Variants in PPP2R3B observed in about 807,000 individuals in gnomAD.
PPP2R3B encodes protein phosphatase 2 regulatory subunit B''beta, also known as serine/threonine-protein phosphatase 2A regulatory subunit B'' subunit beta.
A neutral mutation model predicts 72.9 loss-of-function variants in PPP2R3B; 68 were observed. That is an observed-to-expected ratio of 0.93 (90% CI 0.77 to 1.14). PPP2R3B has a LOEUF of 1.14. Ranked by LOEUF, PPP2R3B falls within the 50% of genes most tolerant of loss-of-function variation. The probability of loss-of-function intolerance (pLI) is 0.00; values close to 1 mark genes in which losing one functional copy is unlikely to be tolerated. For missense variants in PPP2R3B, 1,018 were observed against 842.0 expected, an observed-to-expected ratio of 1.21 and a Z score of -2.59; for synonymous variants, 466 against 375.8, an observed-to-expected ratio of 1.24 and a Z score of -2.78.
chrX:353,918 C>A (rs1452356485), intron 2 of PPP2R3B, among the ~76,000 whole-genome samples: 1 of 144,126 alleles, frequency 6.9e-6, no homozygotes, highest in South Asian at 2.2e-4. Context: ...GACTGGGGCT[C>A]GCCCAGGGAC....
chrX:346,387 C>T (rs1163944151), intron 5 of PPP2R3B, 127 bp from the exon 6 acceptor site: 2 of 938,538 alleles, frequency 2.1e-6, no homozygotes, highest in Non-Finnish European at 3.2e-6. Flanking sequence ...AGGGCACAGG[C>T]GGGGGCAGAG....
At chrX:367,465 G>A (rs1362977580) in intron 1 of PPP2R3B, among the ~76,000 whole-genome samples, 4 of 151,158 alleles carry the variant, frequency 2.6e-5, no homozygotes, top group African/African-American at 4.9e-5. Context: ...GTCTCGCTAT[G>A]TTGTGCTGGC....
Position 338,619 on chromosome X carries a change from T to G in PPP2R3B, c.1562A>C (p.Glu521Ala). Residue 521 changes from glutamate to alanine, a missense_variant, in exon 12 of 13, where the codon GAG becomes GCG. Glu to Ala is a moderately radical substitution (Grantham distance 107, BLOSUM62 -1). Coordinates refer to ENST00000390665, the MANE Select transcript of PPP2R3B (RefSeq NM_013239.5). ...DILVAEETAG[E>A]PWEDGFEAEL... ...CCCCACTCACCCGTCCTCCCAGGGC[T>G]CTCCCGCAGTCTCCTCGGCCACCAG... is the stretch of plus-strand genomic sequence containing the variant. The G allele has an allele frequency of 1.9e-6, 3 of 1,607,718 alleles. No individual in the cohort carries two copies. Among genetic ancestry groups the G allele is most frequent in the Non-Finnish European group, 1.7e-6 (2 of 1,179,022 alleles).
At chrX:364,107 A>G (rs960830469) in intron 1 of PPP2R3B, among the ~76,000 whole-genome samples, 47 of 152,224 alleles carry the variant, frequency 3.1e-4, no homozygotes, top group African/African-American at 1.0e-3. Flanking sequence ...GGCTCACCCG[A>G]AATCTCTCAC....
chrX:376,052 A>G (rs1467130067), intron 1 of PPP2R3B, among the ~76,000 whole-genome samples: 1 of 152,180 alleles, frequency 6.6e-6, no homozygotes, highest in African/African-American at 2.4e-5. Flanking sequence ...TTAGCTGGGC[A>G]TGGTGGCGGG....
intron 1 of PPP2R3B, among the ~76,000 whole-genome samples, chrX:369,610 C>G (rs1008831900): frequency 1.1e-4 from 16 of 152,256 alleles, no homozygotes; most frequent in African/African-American, 3.6e-4. Flanking sequence ...CCCGAGAACA[C>G]AGGCCACGTG....
At chrX:359,484 T>A (rs1873196965) in intron 2 of PPP2R3B, among the ~76,000 whole-genome samples, 2 of 152,260 alleles carry the variant, frequency 1.3e-5, no homozygotes, top group African/African-American at 4.8e-5. Flanking sequence ...GCATACTAGG[T>A]AAATATTAGT....
chrX:355,934 G>A (rs777745733), intron 2 of PPP2R3B, among the ~76,000 whole-genome samples: 2 of 152,226 alleles, frequency 1.3e-5, no homozygotes, highest in East Asian at 3.9e-4. Context: ...GGGTACAGAC[G>A]TCAAAGCTCA....
intron 2 of PPP2R3B, among the ~76,000 whole-genome samples, chrX:355,402 G>A (rs2071415396): frequency 6.6e-6 from 1 of 152,208 alleles, no homozygotes; most frequent in Admixed American, 6.5e-5. Flanking sequence ...CCTCAATATG[G>A]TCAAGATTCT....
In PPP2R3B at chrX:341,084, CCT is replaced by C. The variant is rs753687719; in HGVS notation, c.1176-146_1176-145del. On this transcript the variant is annotated intron_variant, in intron 9 of 12. Coordinates refer to ENST00000390665, the MANE Select transcript of PPP2R3B (RefSeq NM_013239.5). Reference sequence around the variant, plus strand: ...CCGGGCGTGCAGGCATCCCCTGCCCCCTGCCGCCCCCACCGGGCGCGCACGCG... The same window carrying C: ...CCGGGCGTGCAGGCATCCCCTGCCCCGCCGCCCCCACCGGGCGCGCACGCG... 4.4e-5 allele frequency: 55 copies of C among 1,261,198 alleles called. 1 individual carries two copies. The East Asian group carries it at 1.2e-3, about 27-fold the overall frequency. 78.1% of individuals were successfully genotyped at this position (1,261,198 alleles called of 1,614,324 possible). A position where few individuals can be genotyped will look rare whatever the true frequency, so the allele number is the denominator to read the frequency against.
intron 1 of PPP2R3B, among the ~76,000 whole-genome samples, chrX:384,470 T>C (rs1263695535): frequency 5.3e-5 from 8 of 152,066 alleles, no homozygotes; most frequent in Non-Finnish European, 1.2e-4. Flanking sequence ...AATTTGTGTA[T>C]TTTTAGCAGA....
chrX:354,378 C>T lies in PPP2R3B; in HGVS notation c.511-6685G>A, dbSNP rs748582828. On this transcript the variant is annotated intron_variant, in intron 2 of 12. Transcript: ENST00000390665. Reference sequence around the variant, plus strand: ...CTGCGTGGCCGGGCAATGCACGCTGCGGTGGAACAGGGACCGGGGGCTCAC... The same window carrying T: ...CTGCGTGGCCGGGCAATGCACGCTGTGGTGGAACAGGGACCGGGGGCTCAC... Among the ~76,000 whole-genome samples the T allele has an allele frequency of 1.6e-4, 20 of 123,970 alleles. No individual in the cohort carries two copies. The South Asian group carries it at 5.3e-3, about 33-fold the overall frequency. The allele number at this position is 123,970 out of a possible 152,430, so 81.3% of individuals were successfully genotyped here.
intron 2 of PPP2R3B, among the ~76,000 whole-genome samples, chrX:348,109 A>G (rs759109835): frequency 1.3e-5 from 2 of 152,192 alleles, no homozygotes; most frequent in South Asian, 2.1e-4. Context: ...GCAGCGACCC[A>G]TGGCAGGTTC....
intron 1 of PPP2R3B, among the ~76,000 whole-genome samples, chrX:365,067 A>G (rs1272938773): frequency 7.6e-5 from 4 of 52,770 alleles, no homozygotes; most frequent in African/African-American, 3.5e-4. Flanking sequence ...CAAACGATTA[A>G]CCAGGTGTGG....
chrX:381,242 G>T (rs909096626), intron 1 of PPP2R3B, among the ~76,000 whole-genome samples: 144 of 152,082 alleles, frequency 9.5e-4, no homozygotes, highest in Non-Finnish European at 4.0e-4. Flanking sequence ...TTTCTAATTT[G>T]TACCAGTTTC....
At chrX:339,366 A>G (rs1481087431) in intron 10 of PPP2R3B, among the ~76,000 whole-genome samples, 17 of 78,638 alleles carry the variant, frequency 2.2e-4, no homozygotes, top group Admixed American at 1.5e-3. Context: ...GAAGGAAGCC[A>G]GGCGGCGTGG....
At chrX:340,215 T>G (rs1433563413) in intron 10 of PPP2R3B, among the ~76,000 whole-genome samples, 92 of 2,138 alleles carry the variant, frequency 0.043, no homozygotes, top group Admixed American at 0.087. Context: ...GGGGGGGGGG[T>G]GAGGGGAGGA....
intron 2 of PPP2R3B, among the ~76,000 whole-genome samples, chrX:358,148 G>C (rs2071472497): frequency 6.6e-6 from 1 of 152,200 alleles, no homozygotes; most frequent in Non-Finnish European, 1.5e-5. Flanking sequence ...TTCGTCCCCT[G>C]GGCCGGGGGC....
At chrX:370,154 G>A (rs2071826433) in intron 1 of PPP2R3B, among the ~76,000 whole-genome samples, 1 of 152,198 alleles carries the variant, frequency 6.6e-6, no homozygotes, top group Admixed American at 6.5e-5. Flanking sequence ...TTACACAGAG[G>A]AGCCGAACAC....
Sources: gnomAD v4.1 joint callset for allele counts (sites outside exome capture counted in the v4.1 genomes callset) on GRCh38, gnomAD v4.1.1 for gene constraint, MANE v1.5 for transcripts, NCBI Gene and HGNC (gene_info 2026-07-23, HGNC 2026-07-21) for gene names.